The following XRCC2 variants were observed in gnomAD, a reference collection of about 807,000 sequenced individuals.
The protein encoded by XRCC2 is X-ray repair cross complementing 2.
A neutral mutation model predicts 27.3 loss-of-function variants in XRCC2; 24 were observed. The ratio of observed to expected loss-of-function variants is 0.88; its 90% CI spans 0.64 to 1.24. The LOEUF (loss-of-function observed/expected upper bound fraction) is 1.24. Ranked by LOEUF, XRCC2 falls within the 50% of genes most tolerant of loss-of-function variation. The pLI is 0.00. For synonymous variants in XRCC2, 106 were observed against 115.4 expected (o/e 0.92, Z 0.52); for missense variants, 321 against 325.8 (o/e 0.99, Z 0.11).
At chr7:152,669,989 C>T (rs560520790) in intron 1 of XRCC2, among the ~76,000 whole-genome samples, 7 of 150,896 alleles carry the variant, frequency 4.6e-5, no homozygotes, top group Non-Finnish European at 8.8e-5. Context: ...CAGAAATACA[C>T]ATGGGGCATT....
At chr7:152,656,031 C>T (rs1215046737) in intron 2 of XRCC2, among the ~76,000 whole-genome samples, 1 of 151,912 alleles carries the variant, frequency 6.6e-6, no homozygotes, top group Non-Finnish European at 1.5e-5. Flanking sequence ...CACATGGACA[C>T]AGGGAGGGGA....
At position 152,648,832 on chromosome 7, in the gene XRCC2, T is replaced by C. The variant is rs2116987269; in HGVS notation, c.653A>G (p.Asp218Gly). 6.2e-7 allele frequency: 1 copy of C among 1,613,932 alleles called. No individual in the cohort carries two copies. The highest frequency in any genetic ancestry group is 8.5e-7 in the Non-Finnish European group (1 of 1,179,816). Residue 218 changes from aspartate to glycine, a missense_variant, in exon 3 of 3, where the codon GAT becomes GGT. Coordinates refer to ENST00000359321, the MANE Select transcript of XRCC2 (RefSeq NM_005431.2). Reference sequence around the variant, plus strand: ...ATAAGGTCTGTAGTCTATGTCCACATCACACAGTCGTCGAGAGGCATGAGA... The same window carrying C: ...ATAAGGTCTGTAGTCTATGTCCACACCACACAGTCGTCGAGAGGCATGAGA... ...EPSHASRRLCDVDIDYRPYLC... is the reference protein window; with the variant it reads ...EPSHASRRLCGVDIDYRPYLC...
intron 2 of XRCC2, among the ~76,000 whole-genome samples, chr7:152,658,872 T>G (rs2116997839): frequency 6.6e-6 from 1 of 152,374 alleles, no homozygotes; most frequent in South Asian, 2.1e-4. Context: ...ATAAGCACAT[T>G]GATGGACATT....
At chr7:152,666,385 T>C (rs3218436) in intron 1 of XRCC2, among the ~76,000 whole-genome samples, 9,108 of 152,036 alleles carry the variant, frequency 0.06, 570 homozygotes, top group Admixed American at 0.19. Flanking sequence ...CTAATTTTTT[T>C]ACTTTTTGCA....
chr7:152,675,846 A>C (rs577610904), intron 1 of XRCC2, among the ~76,000 whole-genome samples, 195 bp downstream of exon 1: 1 of 152,156 alleles, frequency 6.6e-6, no homozygotes, highest in African/African-American at 2.4e-5. Flanking sequence ...CAGGCTGCCC[A>C]GGGGCGGACC....
At chr7:152,651,666 A>G (rs2098028585) in intron 2 of XRCC2, among the ~76,000 whole-genome samples, 1 of 151,874 alleles carries the variant, frequency 6.6e-6, no homozygotes. Flanking sequence ...GGCATGTGTC[A>G]TCATGCCTGG....
rs1480923930 is a variant in XRCC2 at position 152,645,185 on chromosome 7, G to C, written c.*3457C>G. 6.6e-6 allele frequency: 1 copy of C among 150,476 alleles called. No homozygotes were observed. The highest frequency in any genetic ancestry group is 2.0e-4 in the East Asian group (1 of 5,030). The allele number at this position is 150,476 out of a possible 1,614,324, so 9.3% of individuals were successfully genotyped here. On this transcript the variant is annotated 3_prime_UTR_variant, in exon 3 of 3. Transcript: ENST00000359321. ...TTGTAATTTTCTCCAAAAAGGTCTT[G>C]CATATTTTTATTAGATTTATTTCTA...
At chr7:152,654,560 ATTAAT>A in intron 2 of XRCC2, among the ~76,000 whole-genome samples, 1 of 152,376 alleles carries the variant, frequency 6.6e-6, no homozygotes, top group South Asian at 2.1e-4. Flanking sequence ...ACCTTGGAGC[ATTAAT>A]TGTGTAGTCC....
rs2098026129 is a variant in XRCC2, at chr7:152,646,740, G to C, written c.*1902C>G. The stretch of plus-strand genomic sequence containing the variant: ...AATCCACCCACCTCGGCCTCGCAAA[G>C]TGCTAGGATCACAGGCATGAGCCAC... On this transcript the variant is annotated 3_prime_UTR_variant, in exon 3 of 3. Coordinates refer to ENST00000359321, the MANE Select transcript of XRCC2 (RefSeq NM_005431.2). 6.6e-6 allele frequency: 1 copy of C among 152,286 alleles called. No individual in the cohort carries two copies. The highest frequency in any genetic ancestry group is 2.1e-4 in the South Asian group (1 of 4,836). The allele number at this position is 152,286 out of a possible 1,614,324, so 9.4% of individuals were successfully genotyped here.
rs2098025141 is a variant in XRCC2, at chr7:152,645,046, T to G, written c.*3596A>C. On this transcript the variant is annotated 3_prime_UTR_variant, in exon 3 of 3. Transcript: ENST00000359321. ...TTTTCACATTGAAAATCAGTAAGAT[T>G]TGCTTCAGCCTCCAAGAGTGTGTTT... is the stretch of plus-strand genomic sequence containing the variant. 6.6e-6 allele frequency: 1 copy of G among 152,160 alleles called. No homozygotes were observed. 9.4% of individuals were successfully genotyped at this position (152,160 alleles called of 1,614,324 possible).
intron 2 of XRCC2, among the ~76,000 whole-genome samples, chr7:152,657,022 A>G (rs1439531304): frequency 6.6e-6 from 1 of 152,020 alleles, no homozygotes; most frequent in Non-Finnish European, 1.5e-5. Flanking sequence ...GAATCACCTG[A>G]GGTCAGGAGT....
chr7:152,664,160 G>GT (rs2098034600), intron 1 of XRCC2, among the ~76,000 whole-genome samples: 1 of 152,200 alleles, frequency 6.6e-6, no homozygotes, highest in African/African-American at 2.4e-5. Context: ...CCTGAACTTT[G>GT]TCCTATTGTG....
intron 1 of XRCC2, among the ~76,000 whole-genome samples, chr7:152,663,519 A>T (rs1311537765): frequency 6.6e-6 from 1 of 152,100 alleles, no homozygotes; most frequent in Non-Finnish European, 1.5e-5. Context: ...AGGTAATTCT[A>T]AACCCTTGGA....
chr7:152,657,090 G>A (rs181335271), intron 2 of XRCC2, among the ~76,000 whole-genome samples: 5 of 151,740 alleles, frequency 3.3e-5, no homozygotes, highest in Non-Finnish European at 5.9e-5. Context: ...CAAAAAATTA[G>A]CCAGGTGTGG....
At chr7:152,662,553 C>G (rs1471405336) in intron 1 of XRCC2, among the ~76,000 whole-genome samples, 2 of 148,304 alleles carry the variant, frequency 1.3e-5, no homozygotes, top group Non-Finnish European at 3.0e-5. Context: ...AAGAAAGTCA[C>G]CTTTTATTTG....
intron 2 of XRCC2, among the ~76,000 whole-genome samples, chr7:152,650,121 T>C (rs907578811): frequency 1.1e-4 from 17 of 152,342 alleles, no homozygotes; most frequent in Non-Finnish European, 1.6e-4. Context: ...CACTCCCTAA[T>C]TAGGTTTCTC....
chr7:152,662,364 A>C (rs1268541230), intron 1 of XRCC2, among the ~76,000 whole-genome samples: 2 of 151,654 alleles, frequency 1.3e-5, no homozygotes, highest in Non-Finnish European at 2.9e-5. Flanking sequence ...TTGTCACCCT[A>C]GTCTGGAGGA....
At chr7:152,669,424 C>T (rs1328745298) in intron 1 of XRCC2, among the ~76,000 whole-genome samples, 1 of 152,016 alleles carries the variant, frequency 6.6e-6, no homozygotes, top group Non-Finnish European at 1.5e-5. Flanking sequence ...TAATGGTAAA[C>T]ATTTTACAGA....
chr7:152,672,499 A>G (rs776395963), intron 1 of XRCC2, among the ~76,000 whole-genome samples: 1 of 152,236 alleles, frequency 6.6e-6, no homozygotes. Flanking sequence ...GGGAACTGAG[A>G]AATCAGTCTA....
Sources: gnomAD v4.1 joint callset for allele counts (sites outside exome capture counted in the v4.1 genomes callset) on GRCh38, gnomAD v4.1.1 for gene constraint, MANE v1.5 for transcripts, NCBI Gene and HGNC (gene_info 2026-07-23, HGNC 2026-07-21) for gene names.